The following WLS variants were observed in gnomAD, a reference collection of about 807,000 sequenced individuals.
WLS encodes protein wntless homolog.
In WLS, 23 loss-of-function variants were observed where a neutral mutation model predicts 62.8. That is an observed-to-expected ratio of 0.37 (90% confidence interval 0.26 to 0.52). WLS has a LOEUF of 0.52. WLS is among the 20% of genes least tolerant of loss of function. The probability of loss-of-function intolerance (pLI) is 0.92; values close to 1 mark genes in which losing one functional copy is unlikely to be tolerated. For synonymous variants in WLS, 246 were observed against 244.1 expected (o/e 1.01, Z -0.07); for missense variants, 615 against 697.3 (o/e 0.88, Z 1.33).
chr1:68,148,409 A>G (rs1161861880), intron 7 of WLS, among the ~76,000 whole-genome samples, 154 bp downstream of exon 7: 1 of 152,188 alleles, frequency 6.6e-6, no homozygotes, highest in Non-Finnish European at 1.5e-5. Context: ...CTTTGATTTG[A>G]TCCCAGACCT....
chr1:68,125,225 CT>C, downstream of WLS: 1 of 819,312 alleles, frequency 1.2e-6, no homozygotes, highest in Non-Finnish European at 1.5e-6. Flanking sequence ...AAATGTCACT[CT>C]TTCTCCAGGA....
At chr1:68,168,111 AG>A (rs531704579) in intron 2 of WLS, among the ~76,000 whole-genome samples, 59 of 152,146 alleles carry the variant, frequency 3.9e-4, no homozygotes, top group Middle Eastern at 3.4e-3. Flanking sequence ...AAATGGTGGG[AG>A]GGGGGTGCTA....
At chr1:68,115,761 A>T (rs923609642) in intron 11 of WLS, among the ~76,000 whole-genome samples, 4 of 128,662 alleles carry the variant, frequency 3.1e-5, no homozygotes, top group Non-Finnish European at 5.6e-5. Flanking sequence ...GAGACTTTAA[A>T]ATATGTTTTT....
chr1:68,222,379 T>C (rs1236645265), intron 1 of WLS, among the ~76,000 whole-genome samples: 3 of 152,210 alleles, frequency 2.0e-5, no homozygotes, highest in African/African-American at 7.2e-5. Flanking sequence ...TATAATTCTG[T>C]TGTTCCATAA....
intron 3 of WLS, 137 bp from the exon 4 acceptor site, chr1:68,155,397 A>G (rs1646882741): frequency 9.5e-7 from 1 of 1,047,562 alleles, no homozygotes; most frequent in Non-Finnish European, 1.3e-6. Flanking sequence ...CAGAGTAACA[A>G]TGCATACTGG....
At chr1:68,141,038 A>G (rs1361237024) in intron 10 of WLS, among the ~76,000 whole-genome samples, 2 of 141,030 alleles carry the variant, frequency 1.4e-5, no homozygotes, top group Non-Finnish European at 3.0e-5. Context: ...TCTTATTTCT[A>G]AAAGTCCCTG....
intron 11 of WLS, among the ~76,000 whole-genome samples, chr1:68,111,458 T>C (rs1646227873): frequency 6.6e-6 from 1 of 152,194 alleles, no homozygotes; most frequent in African/African-American, 2.4e-5. Context: ...AGAGAAGGGC[T>C]GCTCGGTTCT....
intron 10 of WLS, chr1:68,141,665 C>T (rs1024666774): frequency 1.6e-4 from 25 of 152,082 alleles, no homozygotes; most frequent in African/African-American, 5.6e-4. Flanking sequence ...ACAGCAAGCC[C>T]GAGAGTATAA....
chr1:68,122,996 A>G (rs1371562994), downstream of WLS, among the ~76,000 whole-genome samples: 1 of 152,198 alleles, frequency 6.6e-6, no homozygotes, highest in Non-Finnish European at 1.5e-5. Context: ...TTGGTCCCAA[A>G]ACTCTGATTT....
At chr1:68,119,217 G>C (rs982663741) in intron 11 of WLS, among the ~76,000 whole-genome samples, 5 of 152,244 alleles carry the variant, frequency 3.3e-5, no homozygotes, top group Middle Eastern at 3.4e-3. Flanking sequence ...TTATATAACT[G>C]TCCAGAAATT....
At chr1:68,106,716 C>CTGTATG (rs900796395) in intron 11 of WLS, among the ~76,000 whole-genome samples, 1 of 146,712 alleles carries the variant, frequency 6.8e-6, no homozygotes, top group African/African-American at 2.5e-5. Context: ...GTGTTTGTCA[C>CTGTATG]TGTGTGTGTG....
chr1:68,108,374 G>C (rs961756021), intron 11 of WLS, among the ~76,000 whole-genome samples: 1 of 152,150 alleles, frequency 6.6e-6, no homozygotes, highest in Non-Finnish European at 1.5e-5. Flanking sequence ...ACCAAAAGCA[G>C]GAATAATGTT....
At chr1:68,101,408 C>T (rs549739471) in intron 11 of WLS, among the ~76,000 whole-genome samples, 14 of 152,216 alleles carry the variant, frequency 9.2e-5, no homozygotes, top group Admixed American at 2.6e-4. Flanking sequence ...AGGCTTTATT[C>T]GTGTCCTCTT....
rs558615165 is a variant in WLS at position 68,178,158 on chromosome 1, G to A, written c.379+15797C>T. Among the ~76,000 whole-genome samples, 12 of 152,226 alleles carry A rather than the reference G, an allele frequency of 7.9e-5. No individual in the cohort carries two copies. The East Asian group carries it at 1.5e-3, about 20-fold the overall frequency. ...ATTGTAAGTGATCACAGATTCCAACGCCTTTAAAACTCCACCTTTGACTCA... is the reference window on the plus strand; with the variant it reads ...ATTGTAAGTGATCACAGATTCCAACACCTTTAAAACTCCACCTTTGACTCA... On this transcript the variant is annotated intron_variant, in intron 2 of 11. Transcript: ENST00000262348.
chr1:68,193,921 G>C (rs1413235948), intron 2 of WLS, 34 bp downstream of exon 2: 1 of 1,593,756 alleles, frequency 6.3e-7, no homozygotes, highest in Admixed American at 1.7e-5. Context: ...AATGCTCAAA[G>C]GGAAGAAAGG....
chr1:68,198,243 A>G (rs188082582), intron 1 of WLS, among the ~76,000 whole-genome samples: 112 of 152,304 alleles, frequency 7.4e-4, no homozygotes, highest in Non-Finnish European at 1.5e-3. Context: ...AAACTGGTTA[A>G]CTCATGGTTG....
intron 1 of WLS, among the ~76,000 whole-genome samples, chr1:68,213,711 T>C (rs1238566796): frequency 1.3e-5 from 2 of 152,040 alleles, no homozygotes; most frequent in African/African-American, 2.4e-5. Context: ...TTATCTGATC[T>C]AAAAAATGCC....
At chr1:68,232,061 T>G in intron 1 of WLS, 133 bp downstream of exon 1, 2 of 1,257,888 alleles carry the variant, frequency 1.6e-6, no homozygotes, top group Admixed American at 4.6e-5. Flanking sequence ...CTCTGCTTTC[T>G]TAAGCACAAT....
At chr1:68,186,778 G>A (rs762033311) in intron 2 of WLS, 10 of 401,652 alleles carry the variant, frequency 2.5e-5, no homozygotes, top group Non-Finnish European at 4.9e-5. Flanking sequence ...GTGTGTATAT[G>A]TATATTGCTG....
Sources: gnomAD v4.1 joint callset for allele counts (sites outside exome capture counted in the v4.1 genomes callset) on GRCh38, gnomAD v4.1.1 for gene constraint, MANE v1.5 for transcripts, NCBI Gene and HGNC (gene_info 2026-07-23, HGNC 2026-07-21) for gene names.